LSM14B: variants seen among roughly 807,000 people sequenced by gnomAD.
The protein encoded by LSM14B is LSM family member 14B, also known as protein LSM14 homolog B.
A neutral mutation model predicts 42.1 loss-of-function variants in LSM14B; 8 were observed. The ratio of observed to expected loss-of-function variants is 0.19; its 90% CI spans 0.11 to 0.34. The LOEUF is 0.34. LSM14B is among the 10% of genes least tolerant of loss of function. The probability of loss-of-function intolerance (pLI) is 1.00; values close to 1 mark genes in which losing one functional copy is unlikely to be tolerated. For missense variants in LSM14B, 396 were observed against 513.1 expected (o/e 0.77, Z 2.21); for synonymous variants, 219 against 209.7 (o/e 1.04, Z -0.38).
intron 3 of LSM14B, among the ~76,000 whole-genome samples, chr20:62,127,152 A>G (rs1600926708): frequency 6.6e-6 from 1 of 152,178 alleles, no homozygotes; most frequent in East Asian, 1.9e-4. Flanking sequence ...CCCTTATTCT[A>G]CTGTAAGTGC....
In LSM14B at chr20:62,126,535, A is replaced by G. The variant is rs917323710; in HGVS notation, c.427+96A>G. On this transcript the variant is annotated intron_variant, in intron 3 of 8. Transcript: ENST00000279068. The stretch of plus-strand genomic sequence containing the variant: ...GAGGGTGGGGATATGCATTCCTGTC[A>G]TGCTCAGCTTGTAGACTGTTTTGTT... The G allele has an allele frequency of 3.4e-6, 5 of 1,473,706 alleles. No homozygotes were observed. In the African/African-American group the frequency reaches 6.9e-5, roughly 20 times the overall value. 91.3% of individuals were successfully genotyped at this position (1,473,706 alleles called of 1,614,324 possible). A position where few individuals can be genotyped will look rare whatever the true frequency, so the allele number is the denominator to read the frequency against.
chr20:62,128,233 G>A (rs912520560), intron 3 of LSM14B, among the ~76,000 whole-genome samples: 2 of 152,216 alleles, frequency 1.3e-5, no homozygotes, highest in South Asian at 2.1e-4. Flanking sequence ...TGGTGGTGGC[G>A]GCACCTGTGG....
In LSM14B at chr20:62,133,438, A is replaced by G. The variant is rs2056824018; in HGVS notation, c.1135A>G (p.Arg379Gly). The G allele has an allele frequency of 6.2e-7, 1 of 1,612,960 alleles. No individual in the cohort carries two copies. Among genetic ancestry groups the G allele is most frequent in the Non-Finnish European group, 8.5e-7 (1 of 1,179,498 alleles). Residue 379 changes from arginine (R) to glycine (G), a missense_variant, in exon 8 of 9, where the codon AGG becomes GGG. Transcript: ENST00000279068. ...GTTRRNPTSH[R>G]AGTGRV The stretch of plus-strand genomic sequence containing the variant: ...CACCCGTCGCAACCCCACTTCCCAC[A>G]GGGCCGGGACTGGCAGGGTGTGAGG...
chr20:62,131,788 A>G (rs2056773848), intron 7 of LSM14B, among the ~76,000 whole-genome samples: 1 of 152,176 alleles, frequency 6.6e-6, no homozygotes, highest in Non-Finnish European at 1.5e-5. Flanking sequence ...CCCCCGGCAG[A>G]CCCGTGTCCA....
At chr20:62,127,804 C>G (rs2056648747) in intron 3 of LSM14B, 1 of 853,648 alleles carries the variant, frequency 1.2e-6, no homozygotes, top group Non-Finnish European at 2.0e-6. Context: ...GATCATTTGC[C>G]AAGCCCATGC....
In LSM14B at chr20:62,133,437, C is replaced by T; in HGVS notation, c.1134C>T (p.His378=). Residue 378 remains histidine, a synonymous_variant, in exon 8 of 9, where the codon CAC becomes CAT. Transcript: ENST00000279068. ...NGTTRRNPTS[H]RAGTGRV ...CCACCCGTCGCAACCCCACTTCCCA[C>T]AGGGCCGGGACTGGCAGGGTGTGAG... is the stretch of plus-strand genomic sequence containing the variant. 1 of 1,613,066 alleles carries T rather than the reference C, an allele frequency of 6.2e-7. No homozygotes were observed. The highest frequency in any genetic ancestry group is 1.1e-5 in the South Asian group (1 of 91,062).
Position 62,130,463 on chromosome 20 carries a change from T to C in LSM14B, c.674-67T>C, listed in dbSNP as rs1472486499. 2.5e-6 allele frequency: 4 copies of C among 1,582,312 alleles called. No homozygotes were observed. Among genetic ancestry groups the C allele is most frequent in the African/African-American group, 1.3e-5 (1 of 74,280 alleles). Reference sequence around the variant, plus strand: ...CCTTGGGGGTGTGCCTGGAAATTCCTTGTGAGGTGTTTGAGATCACTGGGT... The same window carrying C: ...CCTTGGGGGTGTGCCTGGAAATTCCCTGTGAGGTGTTTGAGATCACTGGGT... On this transcript the variant is annotated intron_variant, in intron 5 of 8. Coordinates refer to ENST00000279068, the MANE Select transcript of LSM14B (RefSeq NM_144703.3). The surrounding 1 kb of genome is among the most constrained non-coding windows in gnomAD (Gnocchi z 4.1).
At chr20:62,126,240 T>C in intron 2 of LSM14B, 64 bp from the exon 3 acceptor site, 2 of 1,611,370 alleles carry the variant, frequency 1.2e-6, no homozygotes, top group Non-Finnish European at 1.7e-6. Context: ...ACAAGCGCCC[T>C]GATGAAGGCG....
chr20:62,131,262 G>C, intron 6 of LSM14B, 94 bp from the exon 7 acceptor site: 1 of 1,386,272 alleles, frequency 7.2e-7, no homozygotes, highest in South Asian at 1.5e-5. Context: ...TTAGCTTGAG[G>C]GTGGCTTCCG....
chr20:62,126,045 A>G (rs2056588762), intron 2 of LSM14B, among the ~76,000 whole-genome samples: 1 of 152,192 alleles, frequency 6.6e-6, no homozygotes, highest in African/African-American at 2.4e-5. Flanking sequence ...CAGGCGACAG[A>G]GCAATACTCT....
chr20:62,128,164 G>A (rs1600930051), intron 3 of LSM14B: 1 of 350,926 alleles, frequency 2.8e-6, no homozygotes, highest in East Asian at 6.7e-5. Flanking sequence ...TGTTTGGCCA[G>A]GTGGACAGTA....
rs1358637946 is a variant in LSM14B at position 62,130,811 on chromosome 20, A to T, written c.835+120A>T. 36 of 1,003,986 alleles carry T rather than the reference A, an allele frequency of 3.6e-5. No homozygotes were observed. Among genetic ancestry groups the T allele is most frequent in the Non-Finnish European group, 4.3e-6 (3 of 701,422 alleles). The allele number at this position is 1,003,986 out of a possible 1,614,324, so 62.2% of individuals were successfully genotyped here. A position where few individuals can be genotyped will look rare whatever the true frequency, so the allele number is the denominator to read the frequency against. ...GTAATCTCAGCACTTTGGGAGGCTG[A>T]GGTGGGTGGATCACCTGAGGTCAGG... On this transcript the variant is annotated intron_variant, in intron 6 of 8. Transcript: ENST00000279068. The surrounding 1 kb of genome is among the most constrained non-coding windows in gnomAD (Gnocchi z 4.1).
Position 62,133,479 on chromosome 20 carries a change from A to C in LSM14B, c.*14+4A>C, listed in dbSNP as rs749447019. 2 of 1,607,852 alleles carry C rather than the reference A, an allele frequency of 1.2e-6. No individual in the cohort carries two copies. ...GGGTGTGAGGGTGCAGCCAAAGGTG[A>C]GTGGATGAACCTTCTGGACGCTTTG... On this transcript the variant is annotated splice_donor_region_variant and intron_variant, in intron 8 of 8. Coordinates refer to ENST00000279068, the MANE Select transcript of LSM14B (RefSeq NM_144703.3).
In LSM14B at chr20:62,122,893, C is replaced by G; in HGVS notation, c.127+100C>G. ...CCGGGGCGCCCCGGAGCCTGGCGCCCAGACCCCGCCCAGAACCCACCCAGG... is the reference window on the plus strand; with the variant it reads ...CCGGGGCGCCCCGGAGCCTGGCGCCGAGACCCCGCCCAGAACCCACCCAGG... On this transcript the variant is annotated intron_variant, in intron 1 of 8. Coordinates refer to ENST00000279068, the MANE Select transcript of LSM14B (RefSeq NM_144703.3). This position sits in a 1 kb window ranked among gnomAD's most constrained non-coding sequence, Gnocchi z 4.6. 1 of 1,133,672 alleles carries G rather than the reference C, an allele frequency of 8.8e-7. No homozygotes were observed. Among genetic ancestry groups the G allele is most frequent in the South Asian group, 2.8e-5 (1 of 35,658 alleles). 70.2% of individuals were successfully genotyped at this position (1,133,672 alleles called of 1,614,324 possible).
At chr20:62,126,565 A>G (rs1158996477) in intron 3 of LSM14B, 126 bp downstream of exon 3, 6 of 1,286,250 alleles carry the variant, frequency 4.7e-6, no homozygotes, top group Non-Finnish European at 6.3e-6. Context: ...TTTGTTGCAC[A>G]CTTAGTAAAT....
chr20:62,133,247 G>A (rs753815775), intron 7 of LSM14B, 43 bp from the exon 8 acceptor site: 120 of 1,603,284 alleles, frequency 7.5e-5, no homozygotes, highest in Admixed American at 4.5e-4. Context: ...CAGAAGCCTG[G>A]GAGTCAGTGC....
rs2056609694 is a variant in LSM14B, at chr20:62,126,457, G to A, written c.427+18G>A. 1 of 1,603,376 alleles carries A rather than the reference G, an allele frequency of 6.2e-7. No individual in the cohort carries two copies. The highest frequency in any genetic ancestry group is 2.2e-5 in the East Asian group (1 of 44,848). On this transcript the variant is annotated intron_variant, in intron 3 of 8. Transcript: ENST00000279068. The stretch of plus-strand genomic sequence containing the variant: ...GGGTCTAGGTGAGTGACCTGTTTCT[G>A]TCTGGTAAACTACCCTTGCGTGTAA...
chr20:62,128,841 C>A (rs1365900129), intron 3 of LSM14B: 2 of 815,866 alleles, frequency 2.5e-6, no homozygotes, highest in Non-Finnish European at 3.5e-6. Flanking sequence ...TTTTTCATTT[C>A]TATTCCGTAA....
chr20:62,132,772 G>A (rs1421102703), intron 7 of LSM14B, among the ~76,000 whole-genome samples: 1 of 152,198 alleles, frequency 6.6e-6, no homozygotes, highest in Non-Finnish European at 1.5e-5. Flanking sequence ...AGTGCTGGGT[G>A]CACAGTTGGA....
Sources: gnomAD v4.1 joint callset for allele counts (sites outside exome capture counted in the v4.1 genomes callset) on GRCh38, gnomAD v4.1.1 for gene constraint, Gnocchi (gnomAD v3.1) non-coding constraint, MANE v1.5 for transcripts, NCBI Gene and HGNC (gene_info 2026-07-23, HGNC 2026-07-21) for gene names.